The following TANGO2 variants were observed in gnomAD, a reference collection of about 807,000 sequenced individuals.
TANGO2 encodes the protein transport and golgi organization 2 homolog, also known as transport and Golgi organization protein 2 homolog.
In TANGO2, 26 loss-of-function variants were observed where a neutral mutation model predicts 39.1. The observed-to-expected ratio is 0.67, with a 90% CI of 0.49 to 0.92. The LOEUF (loss-of-function observed/expected upper bound fraction) is 0.92, where lower values mean the gene tolerates loss of function less well. Ranked by LOEUF, TANGO2 falls within the 40% of genes least tolerant of loss-of-function variation. The pLI, the probability that TANGO2 is intolerant of heterozygous loss-of-function variation, is 0.00. For synonymous variants in TANGO2, 131 were observed against 144.5 expected (o/e 0.91, Z 0.67); for missense variants, 326 against 360.1 (o/e 0.91, Z 0.77).
chr22:20,040,685 A>G (rs906954215), intron 2 of TANGO2, among the ~76,000 whole-genome samples: 4 of 152,110 alleles, frequency 2.6e-5, no homozygotes, highest in Non-Finnish European at 5.9e-5. Context: ...TGGCCCATCC[A>G]GGTCTGGGGC....
chr22:20,025,744 T>C (rs2040615414), intron 1 of TANGO2, among the ~76,000 whole-genome samples: 1 of 152,216 alleles, frequency 6.6e-6, no homozygotes, highest in East Asian at 1.9e-4. Flanking sequence ...TGGACTTTCT[T>C]ACTGTGTCAC....
At chr22:20,035,814 G>C (rs532162281) in intron 1 of TANGO2, among the ~76,000 whole-genome samples, 2 of 152,172 alleles carry the variant, frequency 1.3e-5, no homozygotes, top group African/African-American at 4.8e-5. Flanking sequence ...ATGTGCATGT[G>C]GGGGACAGTC....
At chr22:20,064,327 A>T (rs2048918267) in intron 8 of TANGO2, among the ~76,000 whole-genome samples, 1 of 152,158 alleles carries the variant, frequency 6.6e-6, no homozygotes, top group Non-Finnish European at 1.5e-5. Flanking sequence ...AGGACTCAGC[A>T]AGTGTGGGCC....
In TANGO2 at chr22:20,063,114, C is replaced by A. The variant is rs553670316; in HGVS notation, c.606-224C>A. On this transcript the variant is annotated intron_variant, in intron 7 of 8. Coordinates refer to ENST00000327374, the MANE Select transcript of TANGO2 (RefSeq NM_152906.7). ...GAAGTTGCAGTGAGCCAAGATCGTA[C>A]CATTGCGCTCTAGTCTGGGCGACAA... 6.5e-5 allele frequency: 33 copies of A among 507,330 alleles called. 1 individual carries two copies. In the South Asian group the frequency reaches 8.8e-4, roughly 14 times the overall value. The allele number at this position is 507,330 out of a possible 1,614,324, so 31.4% of individuals were successfully genotyped here. A position where few individuals can be genotyped will look rare whatever the true frequency, so the allele number is the denominator to read the frequency against.
At chr22:20,050,276 GTCAGCTCAACTTGAGACCC>G (rs2046055818) in intron 3 of TANGO2, among the ~76,000 whole-genome samples, 1 of 151,440 alleles carries the variant, frequency 6.6e-6, no homozygotes, top group South Asian at 2.1e-4. Context: ...CTTAAATCAG[GTCAGCTCAACTTGAGACCC>G]TCAACAGTGC....
At chr22:20,035,924 C>T (rs149748733) in intron 1 of TANGO2, among the ~76,000 whole-genome samples, 1 of 152,214 alleles carries the variant, frequency 6.6e-6, no homozygotes, top group African/African-American at 2.4e-5. Context: ...ACTAGGCCAC[C>T]CTGCTTGGAT....
intron 1 of TANGO2, among the ~76,000 whole-genome samples, chr22:20,029,925 C>CA (rs757255380): frequency 6.6e-6 from 1 of 152,152 alleles, no homozygotes; most frequent in Non-Finnish European, 1.5e-5. Flanking sequence ...CCTCTTTTGT[C>CA]ACATCTGTGT....
chr22:20,039,753 C>G (rs1365836920), intron 2 of TANGO2, among the ~76,000 whole-genome samples: 1 of 152,030 alleles, frequency 6.6e-6, no homozygotes, highest in Admixed American at 6.6e-5. Context: ...CATGGGGTCA[C>G]CACTGAGGGT....
intron 8 of TANGO2, among the ~76,000 whole-genome samples, chr22:20,063,918 G>A (rs573083225): frequency 6.6e-6 from 1 of 152,396 alleles, no homozygotes; most frequent in East Asian, 1.9e-4. Context: ...AGGCCGCATA[G>A]CCGCTGGGTC....
Position 20,057,523 on chromosome 22 carries a change from C to G in TANGO2, c.451+1510C>G, listed in dbSNP as rs1190084036. Among the ~76,000 whole-genome samples, 2 of 152,236 alleles carry G rather than the reference C, an allele frequency of 1.3e-5. No homozygotes were observed. The highest frequency in any genetic ancestry group is 4.8e-5 in the African/African-American group (2 of 41,464). ...GTGACCCTGGTCTTCCCCTCCCTAC[C>G]TTGGATACAACTGTGGGCAGCCCAC... is the stretch of plus-strand genomic sequence containing the variant. On this transcript the variant is annotated intron_variant, in intron 6 of 8. Transcript: ENST00000327374. This position sits in a 1 kb window ranked among gnomAD's most constrained non-coding sequence, Gnocchi z 4.1.
intron 1 of TANGO2, among the ~76,000 whole-genome samples, chr22:20,031,718 G>A (rs1234244043): frequency 2.0e-5 from 3 of 152,226 alleles, no homozygotes; most frequent in African/African-American, 7.2e-5. Flanking sequence ...GCTTGCCCAG[G>A]GACCTCTTGC....
At chr22:20,054,600 G>A (rs1174475106) in intron 5 of TANGO2, 2 of 152,442 alleles carry the variant, frequency 1.3e-5, no homozygotes, top group Non-Finnish European at 2.9e-5. Flanking sequence ...CGGCTCCAAA[G>A]GCTGCAGAGT....
At chr22:20,022,854 G>T (rs528100896) in intron 1 of TANGO2, among the ~76,000 whole-genome samples, 2 of 152,228 alleles carry the variant, frequency 1.3e-5, no homozygotes, top group Non-Finnish European at 2.9e-5. Context: ...TCGAAGTAGG[G>T]CCATGCTTGT....
chr22:20,061,410 T>C, intron 6 of TANGO2, 120 bp from the exon 7 acceptor site: 3 of 1,219,922 alleles, frequency 2.5e-6, no homozygotes, highest in Non-Finnish European at 1.1e-6. Flanking sequence ...CGGCTTGGCC[T>C]CAGTCTGGCC....
intron 7 of TANGO2, chr22:20,063,078 C>A: frequency 2.4e-6 from 1 of 410,806 alleles, no homozygotes; most frequent in Non-Finnish European, 4.4e-6. Context: ...ATTGCTTGAA[C>A]TCGGGAGGTG....
chr22:20,028,891 C>G (rs1479670127), intron 1 of TANGO2, among the ~76,000 whole-genome samples: 2 of 152,210 alleles, frequency 1.3e-5, no homozygotes, highest in East Asian at 3.9e-4. Flanking sequence ...TGCCCACCCT[C>G]CACCCCACCT....
rs138834794 is a variant in TANGO2 at position 20,027,302 on chromosome 22, C to T, written c.-40+6056C>T. Among the ~76,000 whole-genome samples, 826 of 152,302 alleles carry T rather than the reference C, an allele frequency of 5.4e-3. 12 individuals are homozygous for T. Among genetic ancestry groups the T allele is most frequent in the African/African-American group, 0.019 (778 of 41,564 alleles). ...CTCCAACACTGGGAATTAAATTCAACGTGAGATTTGGTGGGGACACAGATC... is the reference window on the plus strand; with the variant it reads ...CTCCAACACTGGGAATTAAATTCAATGTGAGATTTGGTGGGGACACAGATC... On this transcript the variant is annotated intron_variant, in intron 1 of 8. Coordinates refer to ENST00000327374, the MANE Select transcript of TANGO2 (RefSeq NM_152906.7).
chr22:20,037,098 G>A (rs2042994026), intron 2 of TANGO2: 3 of 1,520,706 alleles, frequency 2.0e-6, no homozygotes, highest in Non-Finnish European at 2.6e-6. Context: ...GCCACAGGTA[G>A]GACAGAGGAG....
chr22:20,042,109 G>T (rs1029877054), intron 2 of TANGO2, among the ~76,000 whole-genome samples: 2 of 151,862 alleles, frequency 1.3e-5, no homozygotes, highest in Non-Finnish European at 2.9e-5. Context: ...AGCCTCCCCA[G>T]TAGTTGGGAA....
Sources: allele counts gnomAD v4.1 joint callset (sites outside exome capture counted in the v4.1 genomes callset), GRCh38; gene constraint gnomAD v4.1.1; non-coding constraint Gnocchi (gnomAD v3.1); transcripts MANE v1.5; gene names NCBI Gene and HGNC (gene_info 2026-07-23, HGNC 2026-07-21).